PCDH11Y: variants seen among roughly 807,000 people sequenced by gnomAD.
PCDH11Y encodes protocadherin-11 Y-linked.
For synonymous variants in PCDH11Y, 9 were observed against 83.6 expected, an observed-to-expected ratio of 0.11 and a Z score of 4.87; for missense variants, 12 against 224.8, an observed-to-expected ratio of 0.05 and a Z score of 6.05.
chrY:5,660,756 G>A, intron 4 of PCDH11Y, among the ~76,000 whole-genome samples: 1 of 33,570 alleles, frequency 3.0e-5, no homozygotes, highest in African/African-American at 1.2e-4. Context: ...TTGGTCCAGT[G>A]ATGATGTTTC....
In PCDH11Y at chrY:5,328,480, A is replaced by G. The variant is rs1602905381; in HGVS notation, c.3130-172577A>G. 1.8e-4 allele frequency among the ~76,000 whole-genome samples: 6 copies of G among 32,923 alleles called. No individual in the cohort carries two copies. The East Asian group carries it at 4.8e-3, about 27-fold the overall frequency. 88.3% of individuals were successfully genotyped at this position (32,923 alleles called of 37,273 possible). ...ATTTAATGTCGGGAGCAGATTGGGT[A>G]ATAAAATGTATATTGAGAATAAGAT... On this transcript the variant is annotated intron_variant, in intron 2 of 4. Coordinates refer to the PCDH11Y transcript ENST00000400457.
At chrY:5,312,093 T>G in intron 2 of PCDH11Y, among the ~76,000 whole-genome samples, 2 of 32,914 alleles carry the variant, frequency 6.1e-5, no homozygotes, top group Non-Finnish European at 1.5e-4. Flanking sequence ...TTTGCTATTC[T>G]GTTGTCTTTC....
intron 4 of PCDH11Y, among the ~76,000 whole-genome samples, chrY:5,730,415 A>G (rs2053603172): frequency 3.2e-5 from 1 of 31,624 alleles, no homozygotes; most frequent in African/African-American, 1.2e-4. Flanking sequence ...TCCAGCACTC[A>G]GCTTTAATAT....
intron 2 of PCDH11Y, among the ~76,000 whole-genome samples, chrY:5,220,481 G>A (rs2052952201): frequency 1.1e-4 from 2 of 17,767 alleles, no homozygotes; most frequent in Admixed American, 6.1e-4. Flanking sequence ...GTGCAGTGGC[G>A]CGATCTTGGC....
At chrY:5,415,130 T>C in intron 2 of PCDH11Y, among the ~76,000 whole-genome samples, 1 of 33,122 alleles carries the variant, frequency 3.0e-5, no homozygotes, top group African/African-American at 1.2e-4. Context: ...TTGGTCATTG[T>C]ATAAGGTGGG....
chrY:5,111,067 T>A (rs2124638823), intron 2 of PCDH11Y, among the ~76,000 whole-genome samples: 9 of 33,581 alleles, frequency 2.7e-4, no homozygotes, highest in Admixed American at 8.2e-4. Flanking sequence ...ATACTCATCA[T>A]TTATGATGCT....
intron 2 of PCDH11Y, among the ~76,000 whole-genome samples, chrY:5,231,067 T>G: frequency 3.1e-5 from 1 of 32,661 alleles, no homozygotes; most frequent in Admixed American, 2.9e-4. Context: ...TATCTTGACC[T>G]TTTTTTGAGT....
intron 2 of PCDH11Y, among the ~76,000 whole-genome samples, chrY:5,274,498 A>G: frequency 3.1e-5 from 1 of 32,593 alleles, no homozygotes; most frequent in Non-Finnish European, 7.5e-5. Context: ...CACCCACCAC[A>G]ATGCTGGGCT....
At chrY:5,549,114 G>A (rs2053415945) in intron 3 of PCDH11Y, among the ~76,000 whole-genome samples, 53 of 31,250 alleles carry the variant, frequency 1.7e-3, no homozygotes, top group Non-Finnish European at 3.6e-3. Context: ...CACTTAAAAG[G>A]CACTGAGTGA....
chrY:5,627,046 G>C, intron 4 of PCDH11Y, among the ~76,000 whole-genome samples: 1 of 32,441 alleles, frequency 3.1e-5, no homozygotes. Context: ...AGGCTGGAGT[G>C]CAGTGGCAGA....
chrY:5,451,338 T>A, intron 2 of PCDH11Y, among the ~76,000 whole-genome samples: 1 of 32,415 alleles, frequency 3.1e-5, no homozygotes, highest in Non-Finnish European at 7.6e-5. Flanking sequence ...ATTGGCAAGC[T>A]CCCACCATGA....
At chrY:5,057,828 A>G in intron 1 of PCDH11Y, among the ~76,000 whole-genome samples, 1 of 30,887 alleles carries the variant, frequency 3.2e-5, no homozygotes, top group Non-Finnish European at 7.9e-5. Context: ...GAATCCATAA[A>G]TCTGATTATC....
chrY:5,260,937 C>T (rs2053017330), intron 2 of PCDH11Y, among the ~76,000 whole-genome samples: 1 of 31,518 alleles, frequency 3.2e-5, no homozygotes, highest in African/African-American at 1.3e-4. Flanking sequence ...ATGGGAGGAA[C>T]GCGGTGGGAG....
intron 2 of PCDH11Y, among the ~76,000 whole-genome samples, chrY:5,276,703 C>T: frequency 1.2e-4 from 4 of 33,128 alleles, no homozygotes; most frequent in Admixed American, 1.1e-3. Context: ...ATGTCCCATC[C>T]CCATTTCTTC....
chrY:5,408,461 T>C, intron 2 of PCDH11Y, among the ~76,000 whole-genome samples: 1 of 33,535 alleles, frequency 3.0e-5, no homozygotes, highest in Non-Finnish European at 7.4e-5. Flanking sequence ...TATTTTGAGA[T>C]GGTGTTTTGC....
At chrY:5,519,600 G>C in intron 3 of PCDH11Y, among the ~76,000 whole-genome samples, 1 of 31,162 alleles carries the variant, frequency 3.2e-5, no homozygotes, top group African/African-American at 1.3e-4. Flanking sequence ...TTATTTTAGC[G>C]GTGGCATGGT....
chrY:5,043,871 C>T, intron 3 of PCDH11Y, among the ~76,000 whole-genome samples: 1 of 33,542 alleles, frequency 3.0e-5, no homozygotes, highest in Non-Finnish European at 7.4e-5. Flanking sequence ...TTATCCATTT[C>T]TTCTAGATTT....
intron 4 of PCDH11Y, among the ~76,000 whole-genome samples, chrY:5,640,760 T>C: frequency 3.0e-5 from 1 of 33,851 alleles, no homozygotes; most frequent in Non-Finnish European, 7.3e-5. Context: ...TTTTGCAGAA[T>C]GGTCAATGAG....
intron 2 of PCDH11Y, among the ~76,000 whole-genome samples, chrY:5,442,337 G>A: frequency 6.1e-5 from 2 of 32,692 alleles, no homozygotes; most frequent in Non-Finnish European, 1.5e-4. Flanking sequence ...CTTTAGCACA[G>A]GGAGAGGGAA....
Sources: gnomAD v4.1 joint callset for allele counts (sites outside exome capture counted in the v4.1 genomes callset) on GRCh38, gnomAD v4.1.1 for gene constraint, MANE v1.5 for transcripts, NCBI Gene and HGNC (gene_info 2026-07-23, HGNC 2026-07-21) for gene names.